Variants in SIRT7 observed in about 807,000 individuals in gnomAD.
SIRT7 encodes sirtuin 7, also known as NAD-dependent protein deacetylase sirtuin-7.
Under a neutral mutation model 42.8 loss-of-function variants are expected in SIRT7, and 32 were observed. That is an observed-to-expected ratio of 0.75 (90% CI 0.56 to 1.00). The LOEUF is 1.00. Among genes scored for constraint, SIRT7 ranks in the 50% least tolerant of loss-of-function variants. The pLI is 0.00. For synonymous variants in SIRT7, 297 were observed against 245.2 expected (o/e 1.21, Z -1.97); for missense variants, 553 against 572.2 (o/e 0.97, Z 0.34).
rs1370274845 is a variant in SIRT7 at position 81,912,592 on chromosome 17, G to C, written c.1027C>G (p.Leu343Val). The C allele has an allele frequency of 3.1e-6, 5 of 1,613,440 alleles. No individual in the cohort carries two copies. The highest frequency in any genetic ancestry group is 4.2e-6 in the Non-Finnish European group (5 of 1,179,938). ...YSRWQDPIFSLATPLRAGEEG... is the reference protein window; with the variant it reads ...YSRWQDPIFSVATPLRAGEEG... ...TCACCAGCACGCAGGGGAGTCGCCAGTGAGAAAATGGGATCCTGCCACCTG... is the reference window on the plus strand; with the variant it reads ...TCACCAGCACGCAGGGGAGTCGCCACTGAGAAAATGGGATCCTGCCACCTG... Residue 343 changes from leucine to valine, a missense_variant, in exon 10 of 10, where the codon CTG becomes GTG. By Grantham distance (32) the Leu-to-Val change is conservative. Transcript: ENST00000328666.
chr17:81,914,799 A>G lies in SIRT7; in HGVS notation c.481-97T>C, dbSNP rs2040762976. 11 of 988,598 alleles carry G rather than the reference A, an allele frequency of 1.1e-5. No homozygotes were observed. The South Asian group carries it at 1.5e-4, about 13-fold the overall frequency. The allele number at this position is 988,598 out of a possible 1,614,324, so 61.2% of individuals were successfully genotyped here. A position where few individuals can be genotyped will look rare whatever the true frequency, so the allele number is the denominator to read the frequency against. ...AGCGAGGCTGTTCTGAGCCCCGCCGATGGCTCCCAAAACCAGGGGCAGCTC... is the reference window on the plus strand; with the variant it reads ...AGCGAGGCTGTTCTGAGCCCCGCCGGTGGCTCCCAAAACCAGGGGCAGCTC... On this transcript the variant is annotated intron_variant, in intron 5 of 9. Coordinates refer to ENST00000328666, the MANE Select transcript of SIRT7 (RefSeq NM_016538.3).
In SIRT7 at chr17:81,913,463, G is replaced by A. The variant is rs997069050; in HGVS notation, c.1004+311C>T. Reference sequence around the variant, plus strand: ...GTCTGACCAGAGCTGCCGAGTGCTCGTCCCCTCCAGATGCTTCCCACCAGG... The same window carrying A: ...GTCTGACCAGAGCTGCCGAGTGCTCATCCCCTCCAGATGCTTCCCACCAGG... On this transcript the variant is annotated intron_variant, in intron 9 of 9. Transcript: ENST00000328666. The surrounding 1 kb of genome is among the most constrained non-coding windows in gnomAD (Gnocchi z 5.0). 10 of 443,852 alleles carry A rather than the reference G, an allele frequency of 2.3e-5. No individual in the cohort carries two copies. The highest frequency in any genetic ancestry group is 1.2e-4 in the South Asian group (6 of 50,682). The allele number at this position is 443,852 out of a possible 1,614,324, so 27.5% of individuals were successfully genotyped here.
intron 4 of SIRT7, 29 bp from the exon 5 acceptor site, chr17:81,915,541 G>C (rs779807970): frequency 1.9e-6 from 3 of 1,613,218 alleles, no homozygotes; most frequent in Non-Finnish European, 2.5e-6. Flanking sequence ...GGCAAGGTGA[G>C]GAGAGCTGGA....
Position 81,913,515 on chromosome 17 carries a change from C to G in SIRT7, c.1004+259G>C. The G allele has an allele frequency of 2.0e-6, 1 of 492,654 alleles. No homozygotes were observed. Among genetic ancestry groups the G allele is most frequent in the Non-Finnish European group, 3.7e-6 (1 of 268,424 alleles). 30.5% of individuals were successfully genotyped at this position (492,654 alleles called of 1,614,324 possible). A position where few individuals can be genotyped will look rare whatever the true frequency, so the allele number is the denominator to read the frequency against. ...ATCTCGGAGAGCTCCACGGGGAGGC[C>G]TGGAGCAGGAGCACGCGGGCAGAAT... On this transcript the variant is annotated intron_variant, in intron 9 of 9. Coordinates refer to ENST00000328666, the MANE Select transcript of SIRT7 (RefSeq NM_016538.3). This position sits in a 1 kb window ranked among gnomAD's most constrained non-coding sequence, Gnocchi z 5.0.
At chr17:81,914,751 T>C (rs1255099591) in intron 5 of SIRT7, 49 bp from the exon 6 acceptor site, 2 of 1,503,052 alleles carry the variant, frequency 1.3e-6, no homozygotes, top group Admixed American at 3.3e-5. Context: ...CCAGTGGTGG[T>C]GGGGAGGTCA....
chr17:81,917,876 T>C lies in SIRT7; in HGVS notation c.185A>G (p.Gln62Arg). Residue 62 changes from glutamine (Q) to arginine (R), a missense_variant, in exon 2 of 10, where the codon CAG (glutamine) becomes CGG (arginine). Transcript: ENST00000328666. ...AESADLVTELQGRSRRREGLK... is the reference protein window; with the variant it reads ...AESADLVTELRGRSRRREGLK... Reference sequence around the variant, plus strand: ...GCCCTCGCGCCGCCGGCTCCGGCCCTGCAGCTCCGTTACCAGGTCCGCGCT... The same window carrying C: ...GCCCTCGCGCCGCCGGCTCCGGCCCCGCAGCTCCGTTACCAGGTCCGCGCT... 1 of 1,440,126 alleles carries C rather than the reference T, an allele frequency of 6.9e-7. No homozygotes were observed. The highest frequency in any genetic ancestry group is 9.1e-7 in the Non-Finnish European group (1 of 1,100,234). 89.2% of individuals were successfully genotyped at this position (1,440,126 alleles called of 1,614,324 possible).
chr17:81,913,705 C>G lies in SIRT7; in HGVS notation c.1004+69G>C. 7.5e-7 allele frequency: 1 copy of G among 1,332,262 alleles called. No homozygotes were observed. The highest frequency in any genetic ancestry group is 1.3e-5 in the South Asian group (1 of 78,666). The allele number at this position is 1,332,262 out of a possible 1,614,324, so 82.5% of individuals were successfully genotyped here. On this transcript the variant is annotated intron_variant, in intron 9 of 9. Coordinates refer to ENST00000328666, the MANE Select transcript of SIRT7 (RefSeq NM_016538.3). The surrounding 1 kb of genome is among the most constrained non-coding windows in gnomAD (Gnocchi z 5.0). ...CAGAGCTTCCTCCACACTCAGCTCA[C>G]GAGAGAAGACAGACAAGGCCCAGCA...
chr17:81,915,186 A>C, intron 5 of SIRT7: 5 of 563,120 alleles, frequency 8.9e-6, no homozygotes, highest in East Asian at 6.0e-5. Flanking sequence ...ATGCAAGGGA[A>C]TCACAAAGGG....
rs766462910 is a variant in SIRT7 at position 81,914,460 on chromosome 17, T to C, written c.650A>G (p.His217Arg). ...GCAGGTCCGGCCTGTCTGGTGTCTG[T>C]GGAGGGCAGTGCGCTCCGTCACATC... is the stretch of plus-strand genomic sequence containing the variant. The part of the protein sequence containing the change: ...VFDVTERTAL[H>R]RHQTGRTCHK... The change falls in exon 7 of 10, where the codon CAC (histidine) becomes CGC (arginine). Residue 217 changes from histidine to arginine, a missense_variant. Physicochemically the swap from His to Arg is conservative, Grantham distance 29. Transcript: ENST00000328666. The C allele has an allele frequency of 3.1e-6, 5 of 1,612,962 alleles. No individual in the cohort carries two copies. Among genetic ancestry groups the C allele is most frequent in the African/African-American group, 1.3e-5 (1 of 74,916 alleles).
chr17:81,913,794 C>T lies in SIRT7; in HGVS notation c.984G>A (p.Leu328=). Reference sequence around the variant, plus strand: ...CTCACCTGCTATAGGCGGGGATCTCCAAGCCCAGCTCGGCCATGAGGAGCC... The same window carrying T: ...CTCACCTGCTATAGGCGGGGATCTCTAAGCCCAGCTCGGCCATGAGGAGCC... ...VMRLLMAELG[L]EIPAYSRWQD... is the part of the protein sequence containing the mutation. Residue 328 remains leucine, a synonymous_variant, in exon 9 of 10, where the codon TTG becomes TTA. Coordinates refer to ENST00000328666, the MANE Select transcript of SIRT7 (RefSeq NM_016538.3). This position sits in a 1 kb window ranked among gnomAD's most constrained non-coding sequence, Gnocchi z 5.0. The T allele has an allele frequency of 1.3e-6, 2 of 1,548,804 alleles. No homozygotes were observed. The highest frequency in any genetic ancestry group is 2.0e-5 in the Admixed American group (1 of 51,010).
At position 81,917,647 on chromosome 17, in the gene SIRT7, A is replaced by G. The variant is rs1463696998; in HGVS notation, c.304T>C (p.Leu102=). 29 of 1,607,896 alleles carry G rather than the reference A, an allele frequency of 1.8e-5. No individual in the cohort carries two copies. The highest frequency in any genetic ancestry group is 2.5e-5 in the Non-Finnish European group (29 of 1,177,542). The part of the protein sequence containing the change: ...LASAVRNAKY[L]VVYTGAGIST... Reference sequence around the variant, plus strand: ...ATTCCCGCGCCTGTGTAGACGACCAAGTATTTGGCGTTCCGGACGGCGCTG... The same window carrying G: ...ATTCCCGCGCCTGTGTAGACGACCAGGTATTTGGCGTTCCGGACGGCGCTG... The change falls in exon 3 of 10, where the codon TTG becomes CTG. Residue 102 remains leucine (L), a synonymous_variant. Coordinates refer to ENST00000328666, the MANE Select transcript of SIRT7 (RefSeq NM_016538.3).
At chr17:81,915,709 A>C (rs2040784042) in intron 3 of SIRT7, 28 bp from the exon 4 acceptor site, 1 of 1,611,390 alleles carries the variant, frequency 6.2e-7, no homozygotes, top group African/African-American at 1.3e-5. Flanking sequence ...AGGTAAGCCA[A>C]GTCAAAAGGC....
chr17:81,912,214 C>T lies in SIRT7; in HGVS notation c.*202G>A. On this transcript the variant is annotated 3_prime_UTR_variant, in exon 10 of 10. Coordinates refer to ENST00000328666, the MANE Select transcript of SIRT7 (RefSeq NM_016538.3). ...CCTCTTGACACAGAGGCCGGATGGG[C>T]AGGTGTCCTCGATGGCCAGGCCGTA... The T allele has an allele frequency of 1.6e-6, 1 of 635,526 alleles. No homozygotes were observed. The highest frequency in any genetic ancestry group is 2.7e-6 in the Non-Finnish European group (1 of 364,948). The allele number at this position is 635,526 out of a possible 1,614,324, so 39.4% of individuals were successfully genotyped here. A position where few individuals can be genotyped will look rare whatever the true frequency, so the allele number is the denominator to read the frequency against.
In SIRT7 at chr17:81,914,487, A is replaced by C; in HGVS notation, c.623T>G (p.Phe208Cys). ...GAGGGCAGTGCGCTCCGTCACATCGAACACCCGCACGTACTCCCTGTTGGG... is the reference window on the plus strand; with the variant it reads ...GAGGGCAGTGCGCTCCGTCACATCGCACACCCGCACGTACTCCCTGTTGGG... ...CVPNREYVRV[F>C]DVTERTALHR... Residue 208 changes from phenylalanine (F) to cysteine (C), a missense_variant, in exon 7 of 10, where the codon TTC (phenylalanine) becomes TGC (cysteine). Transcript: ENST00000328666. 1 of 1,613,118 alleles carries C rather than the reference A, an allele frequency of 6.2e-7. No homozygotes were observed. The highest frequency in any genetic ancestry group is 8.5e-7 in the Non-Finnish European group (1 of 1,180,006).
In SIRT7 at chr17:81,913,465, C is replaced by T. The variant is rs2040733786; in HGVS notation, c.1004+309G>A. On this transcript the variant is annotated intron_variant, in intron 9 of 9. Transcript: ENST00000328666. The surrounding 1 kb of genome is among the most constrained non-coding windows in gnomAD (Gnocchi z 5.0). Reference sequence around the variant, plus strand: ...CTGACCAGAGCTGCCGAGTGCTCGTCCCCTCCAGATGCTTCCCACCAGGCA... The same window carrying T: ...CTGACCAGAGCTGCCGAGTGCTCGTTCCCTCCAGATGCTTCCCACCAGGCA... 1 of 450,160 alleles carries T rather than the reference C, an allele frequency of 2.2e-6. No homozygotes were observed. Among genetic ancestry groups the T allele is most frequent in the South Asian group, 2.0e-5 (1 of 50,748 alleles). The allele number at this position is 450,160 out of a possible 1,614,324, so 27.9% of individuals were successfully genotyped here.
At chr17:81,914,791 C>T (rs889243829) in intron 5 of SIRT7, 89 bp from the exon 6 acceptor site, 25 of 1,098,394 alleles carry the variant, frequency 2.3e-5, no homozygotes, top group Non-Finnish European at 3.1e-5. Context: ...CTGTTCTGAG[C>T]CCCGCCGATG....
At position 81,914,591 on chromosome 17, in the gene SIRT7, C is replaced by T; in HGVS notation, c.579+13G>A. ...TGCCCATGGAGACCCTGGGTCCCTG[C>T]AGGACTGCTCACTTCAATGTACATG... On this transcript the variant is annotated intron_variant, in intron 6 of 9. Coordinates refer to ENST00000328666, the MANE Select transcript of SIRT7 (RefSeq NM_016538.3). 1.2e-6 allele frequency: 2 copies of T among 1,613,046 alleles called. No individual in the cohort carries two copies. The highest frequency in any genetic ancestry group is 1.7e-6 in the Non-Finnish European group (2 of 1,179,862).
At chr17:81,915,133 A>G in intron 5 of SIRT7, 1 of 523,594 alleles carries the variant, frequency 1.9e-6, no homozygotes, top group Non-Finnish European at 3.5e-6. Context: ...ATGTCCTATA[A>G]GCCTCCCCTG....
chr17:81,912,760 G>T, intron 9 of SIRT7, 146 bp from the exon 10 acceptor site: 1 of 842,266 alleles, frequency 1.2e-6, no homozygotes, highest in Non-Finnish European at 1.9e-6. Flanking sequence ...GTTGGCGGCA[G>T]CTTCATTGTT....
Sources: gnomAD v4.1 joint callset for allele counts on GRCh38, gnomAD v4.1.1 for gene constraint, Gnocchi (gnomAD v3.1) non-coding constraint, MANE v1.5 for transcripts, NCBI Gene and HGNC (gene_info 2026-07-23, HGNC 2026-07-21) for gene names.